Variants in ABCG5 observed in about 807,000 individuals in gnomAD.
ABCG5 encodes the protein ATP binding cassette subfamily G member 5.
A neutral mutation model predicts 64.5 loss-of-function variants in ABCG5; 64 were observed. The observed-to-expected ratio is 0.99, with a 90% CI of 0.81 to 1.22. The LOEUF is 1.22. ABCG5 is among the 50% of genes most tolerant of loss of function. The probability of loss-of-function intolerance (pLI) is 0.00; values close to 1 mark genes in which losing one functional copy is unlikely to be tolerated. For missense variants in ABCG5, 908 were observed against 829.5 expected (o/e 1.09, Z -1.16); for synonymous variants, 385 against 326.3 (o/e 1.18, Z -1.94).
At chr2:43,807,273 C>A in the ABCG5 span, among the ~76,000 whole-genome samples, 1 of 152,062 alleles carries the variant, frequency 6.6e-6, no homozygotes, top group Non-Finnish European at 1.5e-5. Context: ...GTGATTAGCC[C>A]TCTTTAATTA....
In ABCG5 at chr2:43,838,034, T is replaced by C. The variant is rs1261140856; in HGVS notation, c.144-79A>G. 3.8e-6 allele frequency: 6 copies of C among 1,593,592 alleles called. No homozygotes were observed. The highest frequency in any genetic ancestry group is 2.2e-5 in the South Asian group (2 of 89,824). On this transcript the variant is annotated intron_variant, in intron 1 of 12. Coordinates refer to ENST00000405322, the MANE Select transcript of ABCG5 (RefSeq NM_022436.3). This position sits in a 1 kb window ranked among gnomAD's most constrained non-coding sequence, Gnocchi z 4.2. ...ACACCCAGGTCCCCAGCATTGATCCTACCTGTGCCCCACCCCAGTAGTCTC... is the reference window on the plus strand; with the variant it reads ...ACACCCAGGTCCCCAGCATTGATCCCACCTGTGCCCCACCCCAGTAGTCTC...
At chr2:43,806,476 T>C in the ABCG5 span, among the ~76,000 whole-genome samples, 1 of 152,122 alleles carries the variant, frequency 6.6e-6, no homozygotes, top group Non-Finnish European at 1.5e-5. Context: ...AAATATGCCA[T>C]GAATATTTAG....
chr2:43,838,383 C>T lies in ABCG5; in HGVS notation c.143+154G>A. 2.7e-6 allele frequency: 2 copies of T among 728,664 alleles called. No individual in the cohort carries two copies. Among genetic ancestry groups the T allele is most frequent in the Non-Finnish European group, 4.5e-6 (2 of 448,118 alleles). The allele number at this position is 728,664 out of a possible 1,614,324, so 45.1% of individuals were successfully genotyped here. On this transcript the variant is annotated intron_variant, in intron 1 of 12. Coordinates refer to ENST00000405322, the MANE Select transcript of ABCG5 (RefSeq NM_022436.3). The surrounding 1 kb of genome is among the most constrained non-coding windows in gnomAD (Gnocchi z 4.2). ...CACTGTCGCTCCATGTTTCCCAGCA[C>T]AGCCCTTCTCCCTCTCCTCTCTCCA...
Position 43,822,695 on chromosome 2 carries a change from T to C in ABCG5, c.1463+102A>G. 7 of 1,466,964 alleles carry C rather than the reference T, an allele frequency of 4.8e-6. No individual in the cohort carries two copies. In the East Asian group the frequency reaches 1.0e-4, roughly 22 times the overall value. 90.9% of individuals were successfully genotyped at this position (1,466,964 alleles called of 1,614,324 possible). ...ACACTGATGGGCAAAGTGTAGATCC[T>C]CCAGAGCAGAGAACTTCACCCTGGA... On this transcript the variant is annotated intron_variant, in intron 10 of 12. Coordinates refer to ENST00000405322, the MANE Select transcript of ABCG5 (RefSeq NM_022436.3).
At chr2:43,816,868 T>C (rs1666868307) in intron 11 of ABCG5, among the ~76,000 whole-genome samples, 1 of 152,250 alleles carries the variant, frequency 6.6e-6, no homozygotes, top group Admixed American at 6.5e-5. Flanking sequence ...TTTACTTTCT[T>C]CCACATCCAC....
In ABCG5 at chr2:43,814,479, C is replaced by G; in HGVS notation, c.1760G>C (p.Cys587Ser). 3 of 1,590,442 alleles carry G rather than the reference C, an allele frequency of 1.9e-6. No individual in the cohort carries two copies. Among genetic ancestry groups the G allele is most frequent in the Non-Finnish European group, 2.6e-6 (3 of 1,158,770 alleles). ...ATATCCCCAAATAGAATACTTACCA[C>G]AAGTGAAATTCAGTCCGTAGAACTC... is the stretch of plus-strand genomic sequence containing the variant. ...VNEFYGLNFT[C>S]GSSNVSVTTN... is the part of the protein sequence containing the mutation. Residue 587 changes from cysteine to serine, a missense_variant and splice_region_variant, in exon 12 of 13, where the codon TGT becomes TCT. Transcript: ENST00000405322.
chr2:43,813,757 G>A (rs13406911), intron 12 of ABCG5, among the ~76,000 whole-genome samples: 5 of 109,112 alleles, frequency 4.6e-5, no homozygotes, highest in Non-Finnish European at 6.7e-5. Context: ...TCACTCTGCC[G>A]CCCAGGCTGG....
chr2:43,825,232 G>A (rs1295479721), intron 6 of ABCG5, among the ~76,000 whole-genome samples: 1 of 152,126 alleles, frequency 6.6e-6, no homozygotes, highest in Non-Finnish European at 1.5e-5. Flanking sequence ...CCCTACCCTT[G>A]TGAGCCTAGG....
In ABCG5 at chr2:43,820,159, T is replaced by C. The variant is rs1345367433; in HGVS notation, c.1464-59A>G. ...AAGGGCTATCATTTAAGAAAAATAC[T>C]GCACTTGCCTCTGTGAATAAATCCT... On this transcript the variant is annotated intron_variant, in intron 10 of 12. Transcript: ENST00000405322. The C allele has an allele frequency of 7.1e-6, 11 of 1,545,334 alleles. No individual in the cohort carries two copies. In the East Asian group the frequency reaches 1.7e-4, roughly 23 times the overall value.
intron 2 of ABCG5, among the ~76,000 whole-genome samples, chr2:43,835,705 A>G (rs997401416): frequency 6.6e-6 from 1 of 152,146 alleles, no homozygotes; most frequent in African/African-American, 2.4e-5. Flanking sequence ...AGCTCTTACA[A>G]TTCAGATGAA....
At chr2:43,838,909 C>A, upstream of ABCG5, 1 of 1,183,370 alleles carries the variant, frequency 8.5e-7, no homozygotes, top group Admixed American at 2.1e-5. This position sits in a 1 kb window ranked among gnomAD's most constrained non-coding sequence, Gnocchi z 4.2. Flanking sequence ...GGTGGGCTTG[C>A]CAGCAAGGAA....
intron 10 of ABCG5, 103 bp downstream of exon 10, chr2:43,822,694 C>A: frequency 7.1e-7 from 1 of 1,416,320 alleles, no homozygotes. Flanking sequence ...AGTGTAGATC[C>A]TCCAGAGCAG....
intron 4 of ABCG5, among the ~76,000 whole-genome samples, chr2:43,831,048 G>A (rs993507282): frequency 2.6e-5 from 4 of 152,232 alleles, no homozygotes; most frequent in African/African-American, 7.2e-5. Context: ...GCCACAGACA[G>A]AAGTGAAATT....
chr2:43,811,105 T>C (rs1004711394), downstream of ABCG5, among the ~76,000 whole-genome samples: 6 of 152,350 alleles, frequency 3.9e-5, no homozygotes, highest in African/African-American at 7.2e-5. Context: ...TTTCCACTTA[T>C]GTTGTACACC....
At chr2:43,829,943 G>T (rs1309213649) in intron 4 of ABCG5, among the ~76,000 whole-genome samples, 1 of 152,166 alleles carries the variant, frequency 6.6e-6, no homozygotes, top group Non-Finnish European at 1.5e-5. Flanking sequence ...AGGTAAAAAT[G>T]CATAAATAAA....
intron 11 of ABCG5, among the ~76,000 whole-genome samples, chr2:43,819,237 C>T (rs1667035335): frequency 6.6e-6 from 1 of 151,958 alleles, no homozygotes; most frequent in Non-Finnish European, 1.5e-5. Flanking sequence ...CATTTTTAGC[C>T]TTTTAAAATT....
intron 3 of ABCG5, 22 bp downstream of exon 3, chr2:43,831,925 G>C: frequency 6.5e-7 from 1 of 1,548,124 alleles, no homozygotes; most frequent in East Asian, 2.4e-5. Flanking sequence ...GGGGGGGCCA[G>C]GGGTGTGGGG....
At position 43,838,647 on chromosome 2, in the gene ABCG5, C is replaced by A. The variant is rs200471843; in HGVS notation, c.33G>T (p.Gly11=). MGDLSSLTPG[G]SMGLQVNRGS... Reference sequence around the variant, plus strand: ...CTCTGTTTACTTGGAGACCCATGGACCCTCCGGGGGTCAAAGATGAGAGGT... The same window carrying A: ...CTCTGTTTACTTGGAGACCCATGGAACCTCCGGGGGTCAAAGATGAGAGGT... The change falls in exon 1 of 13, where the codon GGG becomes GGT. Residue 11 remains glycine, a synonymous_variant. Coordinates refer to ENST00000405322, the MANE Select transcript of ABCG5 (RefSeq NM_022436.3). This position sits in a 1 kb window ranked among gnomAD's most constrained non-coding sequence, Gnocchi z 4.2. The A allele has an allele frequency of 2.3e-5, 37 of 1,613,682 alleles. No individual in the cohort carries two copies. In the East Asian group the frequency reaches 8.3e-4, roughly 36 times the overall value.
At chr2:43,822,969 T>C (rs897668153) in intron 9 of ABCG5, 34 bp from the exon 10 acceptor site, 21 of 1,611,774 alleles carry the variant, frequency 1.3e-5, no homozygotes, top group Non-Finnish European at 1.7e-5. Flanking sequence ...GAACAGTCAG[T>C]CACCACCCAG....
Sources: gnomAD v4.1 joint callset for allele counts (sites outside exome capture counted in the v4.1 genomes callset) on GRCh38, gnomAD v4.1.1 for gene constraint, Gnocchi (gnomAD v3.1) non-coding constraint, MANE v1.5 for transcripts, NCBI Gene and HGNC (gene_info 2026-07-23, HGNC 2026-07-21) for gene names.